EML4: variants seen among roughly 807,000 people sequenced by gnomAD.
EML4 encodes echinoderm microtubule-associated protein-like 4.
Under a neutral mutation model 129.0 loss-of-function variants are expected in EML4, and 72 were observed. The observed-to-expected ratio is 0.56, with a 90% confidence interval of 0.46 to 0.68. EML4 has a LOEUF of 0.68. EML4 is among the 30% of genes least tolerant of loss of function. The pLI is 0.00. For missense variants in EML4, 1,363 were observed against 1,190.6 expected (o/e 1.14, Z -2.13); for synonymous variants, 532 against 405.0 (o/e 1.31, Z -3.77).
chr2:42,310,335 T>C (rs13024452), intron 17 of EML4, among the ~76,000 whole-genome samples: 9 of 145,700 alleles, frequency 6.2e-5, no homozygotes, highest in African/African-American at 2.0e-4. Flanking sequence ...CTTCCCCTTC[T>C]CCTTCCCCTT....
chr2:42,196,700 C>T (rs752916279), intron 1 of EML4, among the ~76,000 whole-genome samples: 3 of 152,192 alleles, frequency 2.0e-5, no homozygotes, highest in Non-Finnish European at 2.9e-5. Flanking sequence ...AACGTAATTT[C>T]CTTCTTGTTA....
chr2:42,277,192 C>G (rs1471351172), intron 6 of EML4, among the ~76,000 whole-genome samples: 2 of 152,102 alleles, frequency 1.3e-5, no homozygotes, highest in Non-Finnish European at 2.9e-5. Context: ...ATAAAAGATC[C>G]TGGAATAAAT....
chr2:42,175,214 G>A (rs907554336), intron 1 of EML4, among the ~76,000 whole-genome samples: 1 of 151,694 alleles, frequency 6.6e-6, no homozygotes, highest in African/African-American at 2.4e-5. Context: ...CCGTGTTCAA[G>A]CTATTCTCCT....
At chr2:42,310,368 A>G (rs1668867851) in intron 17 of EML4, among the ~76,000 whole-genome samples, 1 of 140,368 alleles carries the variant, frequency 7.1e-6, no homozygotes, top group African/African-American at 2.7e-5. Context: ...TCCCTTTTGC[A>G]GAGTCTTGCT....
intron 1 of EML4, among the ~76,000 whole-genome samples, chr2:42,226,494 C>G (rs1401326274): frequency 6.6e-6 from 1 of 151,374 alleles, no homozygotes; most frequent in East Asian, 1.9e-4. Context: ...CCTGTCTCTA[C>G]TAAAAATACA....
intron 10 of EML4, among the ~76,000 whole-genome samples, chr2:42,287,667 G>GA (rs1245059929): frequency 6.6e-6 from 1 of 152,090 alleles, no homozygotes; most frequent in Non-Finnish European, 1.5e-5. Flanking sequence ...AATGGTTTCA[G>GA]AAAAACAGGA....
At chr2:42,235,388 G>T (rs1029324947) in intron 1 of EML4, among the ~76,000 whole-genome samples, 2 of 151,438 alleles carry the variant, frequency 1.3e-5, no homozygotes, top group Non-Finnish European at 2.9e-5. Context: ...TGAGCAGCCT[G>T]GGAGGCAGAG....
At chr2:42,275,774 T>C (rs913355239) in intron 6 of EML4, among the ~76,000 whole-genome samples, 6 of 152,198 alleles carry the variant, frequency 3.9e-5, no homozygotes, top group Non-Finnish European at 2.9e-5. Flanking sequence ...AGATAAAATG[T>C]TGAGTCTGGT....
chr2:42,295,031 G>T, intron 11 of EML4, 94 bp from the exon 12 acceptor site: 2 of 1,119,140 alleles, frequency 1.8e-6, no homozygotes, highest in Non-Finnish European at 2.5e-6. Context: ...TCAAAATCTT[G>T]CCCTATCGTT....
At chr2:42,297,931 T>C (rs1668052632) in intron 13 of EML4, among the ~76,000 whole-genome samples, 1 of 152,240 alleles carries the variant, frequency 6.6e-6, no homozygotes, top group Admixed American at 6.5e-5. Flanking sequence ...TCCTTAAACA[T>C]GAATTAATGT....
chr2:42,293,374 T>G (rs1667764678), intron 11 of EML4, among the ~76,000 whole-genome samples: 1 of 152,198 alleles, frequency 6.6e-6, no homozygotes, highest in Admixed American at 6.5e-5. Flanking sequence ...GCATTGAGAT[T>G]ACAGGCATAA....
intron 14 of EML4, 65 bp from the exon 15 acceptor site, chr2:42,303,039 C>T (rs956550767): frequency 1.3e-5 from 20 of 1,518,636 alleles, no homozygotes; most frequent in African/African-American, 5.6e-5. Context: ...GCTATAAATG[C>T]AGGCTTCGAG....
chr2:42,329,701 A>C lies in EML4; in HGVS notation c.2473-33A>C, dbSNP rs1669995919. On this transcript the variant is annotated intron_variant, in intron 22 of 22. Coordinates refer to ENST00000318522, the MANE Select transcript of EML4 (RefSeq NM_019063.5). ...AAACAGGCATGTCAAGAATGAGTTT[A>C]ATTTTCCTGTCTGTCTGATTTATTT... 1.9e-6 allele frequency: 3 copies of C among 1,572,168 alleles called. No homozygotes were observed. The East Asian group carries it at 6.7e-5, about 35-fold the overall frequency.
At chr2:42,257,483 A>C (rs2104362772) in intron 3 of EML4, among the ~76,000 whole-genome samples, 1 of 148,976 alleles carries the variant, frequency 6.7e-6, no homozygotes, top group East Asian at 2.0e-4. Context: ...TAGATACTTA[A>C]CCAAACAGTT....
At chr2:42,229,270 T>A (rs1292397825) in intron 1 of EML4, among the ~76,000 whole-genome samples, 1 of 152,190 alleles carries the variant, frequency 6.6e-6, no homozygotes, top group Non-Finnish European at 1.5e-5. Flanking sequence ...ACTTTATATG[T>A]CATCTAGATG....
At chr2:42,290,867 T>C (rs75194323) in intron 11 of EML4, among the ~76,000 whole-genome samples, 1,781 of 152,320 alleles carry the variant, frequency 0.012, 37 homozygotes, top group African/African-American at 0.039. Context: ...CTTTTGCATA[T>C]TGAGCTATAT....
In EML4 at chr2:42,307,866, G is replaced by A. The variant is rs372937395; in HGVS notation, c.1967+3315G>A. Among the ~76,000 whole-genome samples, 15 of 152,318 alleles carry A rather than the reference G, an allele frequency of 9.8e-5. No individual in the cohort carries two copies. The East Asian group carries it at 2.3e-3, about 24-fold the overall frequency. ...GACAGGGTTTCGCCATGTTGGCCAGGCTGGTCTGGAACCCCTGGCCTCAAG... is the reference window on the plus strand; with the variant it reads ...GACAGGGTTTCGCCATGTTGGCCAGACTGGTCTGGAACCCCTGGCCTCAAG... On this transcript the variant is annotated intron_variant, in intron 17 of 22. Transcript: ENST00000318522.
At chr2:42,309,757 G>C (rs1668828735) in intron 17 of EML4, among the ~76,000 whole-genome samples, 1 of 147,274 alleles carries the variant, frequency 6.8e-6, no homozygotes, top group Non-Finnish European at 1.5e-5. Flanking sequence ...GTTCTTGTAA[G>C]AGTTTTTTAT....
chr2:42,269,299 G>A (rs756786914), intron 6 of EML4, among the ~76,000 whole-genome samples: 10 of 152,132 alleles, frequency 6.6e-5, no homozygotes, highest in Non-Finnish European at 1.0e-4. Flanking sequence ...ATTGGGGAAA[G>A]GAAAAACCCT....
Sources: gnomAD v4.1 joint callset for allele counts (sites outside exome capture counted in the v4.1 genomes callset) on GRCh38, gnomAD v4.1.1 for gene constraint, MANE v1.5 for transcripts, NCBI Gene and HGNC (gene_info 2026-07-23, HGNC 2026-07-21) for gene names.